FAT3: variants seen among roughly 807,000 people sequenced by gnomAD.
The protein encoded by FAT3 is FAT atypical cadherin 3, also known as protocadherin Fat 3.
Under a neutral mutation model 310.2 loss-of-function variants are expected in FAT3, and 95 were observed. The observed-to-expected ratio is 0.31, with a 90% confidence interval of 0.26 to 0.36. FAT3 has a LOEUF of 0.36. Among genes scored for constraint, FAT3 ranks in the 10% least tolerant of loss-of-function variants. The pLI, the probability that FAT3 is intolerant of heterozygous loss-of-function variation, is 1.00. For synonymous variants in FAT3, 2,314 were observed against 2,192.9 expected, an observed-to-expected ratio of 1.06 and a Z score of -1.54; for missense variants, 5,408 against 5,715.6, an observed-to-expected ratio of 0.95 and a Z score of 1.74.
At position 92,810,042 on chromosome 11, in the gene FAT3, G is replaced by C; in HGVS notation, c.9447G>C (p.Leu3149=). ...ATGAGAACACAGCCACCAAGGCTCTGTTGACCAGAGTTCAAGCCGTGGACC... is the reference window on the plus strand; with the variant it reads ...ATGAGAACACAGCCACCAAGGCTCTCTTGACCAGAGTTCAAGCCGTGGACC... ...CVYENTATKA[L]LTRVQAVDPD... is the part of the protein sequence containing the mutation. Residue 3149 remains leucine (L), a synonymous_variant, in exon 13 of 28, where the codon CTG becomes CTC. Coordinates refer to ENST00000525166, the MANE Select transcript of FAT3 (RefSeq NM_001367949.2). 6.2e-7 allele frequency: 1 copy of C among 1,613,884 alleles called. No individual in the cohort carries two copies. The highest frequency in any genetic ancestry group is 8.5e-7 in the Non-Finnish European group (1 of 1,179,834).
chr11:92,605,719 GTTTTTTTTT>G (rs5793613), intron 3 of FAT3, among the ~76,000 whole-genome samples: 1 of 99,760 alleles, frequency 1.0e-5, no homozygotes, highest in East Asian at 3.1e-4. Flanking sequence ...AAATAGCTAT[GTTTTTTTTT>G]TTTTTTTTTT....
At chr11:92,595,378 CA>C (rs1939651419) in intron 3 of FAT3, among the ~76,000 whole-genome samples, 1 of 152,172 alleles carries the variant, frequency 6.6e-6, no homozygotes, top group African/African-American at 2.4e-5. Flanking sequence ...TTGAATTGAG[CA>C]CAGGGATGTG....
chr11:92,428,462 A>G (rs1469213113), intron 2 of FAT3, among the ~76,000 whole-genome samples: 2 of 151,518 alleles, frequency 1.3e-5, no homozygotes, highest in African/African-American at 4.9e-5. Flanking sequence ...AGTTCTTTCA[A>G]TTTTGTGATG....
chr11:92,606,466 G>T (rs572771333), intron 3 of FAT3, among the ~76,000 whole-genome samples: 1 of 152,290 alleles, frequency 6.6e-6, no homozygotes, highest in South Asian at 2.1e-4. Flanking sequence ...CAGGCATGCT[G>T]GAGAGGTGGG....
chr11:92,299,727 T>A (rs1261951675), intron 1 of FAT3, among the ~76,000 whole-genome samples: 3 of 152,150 alleles, frequency 2.0e-5, no homozygotes, highest in Non-Finnish European at 4.4e-5. Context: ...ATATGTCTCT[T>A]CAGTGAAGGA....
rs1949924486 is a variant in FAT3, at chr11:92,891,902, T to C, written c.*789T>C. ...GGTTGGTTTTGTGTTTTCTGGTAAA[T>C]ATTCCAGTTGGTAAATCTAACATTG... On this transcript the variant is annotated 3_prime_UTR_variant, in exon 28 of 28. Coordinates refer to ENST00000525166, the MANE Select transcript of FAT3 (RefSeq NM_001367949.2). 1 of 152,198 alleles carries C rather than the reference T, an allele frequency of 6.6e-6. No individual in the cohort carries two copies. The highest frequency in any genetic ancestry group is 2.1e-4 in the South Asian group (1 of 4,824). 9.4% of individuals were successfully genotyped at this position (152,198 alleles called of 1,614,324 possible).
At chr11:92,315,764 C>T (rs192230856) in intron 1 of FAT3, among the ~76,000 whole-genome samples, 5 of 151,812 alleles carry the variant, frequency 3.3e-5, no homozygotes, top group Admixed American at 2.0e-4. Flanking sequence ...TCAAGTGATC[C>T]ACCCACCTTG....
rs557577616 is a variant in FAT3, at chr11:92,676,391, A to T, written c.3608-20993A>T. 3.9e-5 allele frequency among the ~76,000 whole-genome samples: 6 copies of T among 152,320 alleles called. No homozygotes were observed. The South Asian group carries it at 1.2e-3, about 32-fold the overall frequency. On this transcript the variant is annotated intron_variant, in intron 3 of 27. Coordinates refer to ENST00000525166, the MANE Select transcript of FAT3 (RefSeq NM_001367949.2). ...GGAAATAGAGTCTGCTCAGTGTCAC[A>T]CAGAAATCAAAATAGTAAAGTTTGG...
chr11:92,304,719 C>T lies in FAT3; in HGVS notation c.-17-47377C>T, dbSNP rs545605772. ...ACACCTGGAATTCACGAAACTAGATCCTGCATTGACCTGGAGGAGGTGAGG... is the reference window on the plus strand; with the variant it reads ...ACACCTGGAATTCACGAAACTAGATTCTGCATTGACCTGGAGGAGGTGAGG... On this transcript the variant is annotated intron_variant, in intron 1 of 27. Coordinates refer to ENST00000525166, the MANE Select transcript of FAT3 (RefSeq NM_001367949.2). Among the ~76,000 whole-genome samples, 3 of 152,080 alleles carry T rather than the reference C, an allele frequency of 2.0e-5. No homozygotes were observed. The South Asian group carries it at 6.2e-4, about 32-fold the overall frequency.
chr11:92,488,875 A>G (rs774303552), intron 2 of FAT3, among the ~76,000 whole-genome samples: 4 of 152,132 alleles, frequency 2.6e-5, no homozygotes, highest in Non-Finnish European at 5.9e-5. Context: ...TCATGGGCAA[A>G]TTTATTAACC....
chr11:92,860,585 C>T (rs1949095984), intron 21 of FAT3, among the ~76,000 whole-genome samples: 1 of 152,152 alleles, frequency 6.6e-6, no homozygotes, highest in Non-Finnish European at 1.5e-5. Context: ...GTGGAAAATG[C>T]CTTTTCACCT....
At chr11:92,794,179 T>G (rs1262925600) in intron 9 of FAT3, among the ~76,000 whole-genome samples, 2 of 152,148 alleles carry the variant, frequency 1.3e-5, no homozygotes, top group Non-Finnish European at 2.9e-5. Context: ...TCTTTTATTT[T>G]TCACAGGACA....
chr11:92,302,021 G>A (rs1176058957), intron 1 of FAT3, among the ~76,000 whole-genome samples: 1 of 151,970 alleles, frequency 6.6e-6, no homozygotes, highest in African/African-American at 2.4e-5. Context: ...ATGAAAATGT[G>A]TATGCATACA....
At position 92,800,514 on chromosome 11, in the gene FAT3, T is replaced by C; in HGVS notation, c.7501T>C (p.Tyr2501His). The C allele has an allele frequency of 4.3e-6, 7 of 1,613,926 alleles. No individual in the cohort carries two copies. Among genetic ancestry groups the C allele is most frequent in the Non-Finnish European group, 5.9e-6 (7 of 1,179,876 alleles). The change falls in exon 10 of 28, where the codon TAC becomes CAC. Residue 2501 changes from tyrosine to histidine, a missense_variant. Around this residue, in one of 5 missense-constraint regions of FAT3, gnomAD observed 4,588 missense variants for 4,809.8 expected, o/e 0.95. Transcript: ENST00000525166. ...CAGCCCTGCCTTTTCACAAAGCACA[T>C]ACGTAGCTGAGGTGAGAGAGAACGT... is the stretch of plus-strand genomic sequence containing the variant. ...LYSPAFSQSTYVAEVRENVAA... is the reference protein window; with the variant it reads ...LYSPAFSQSTHVAEVRENVAA...
rs548622310 is a variant in FAT3 at position 92,527,958 on chromosome 11, C to A, written c.3607+3010C>A. On this transcript the variant is annotated intron_variant, in intron 3 of 27. Coordinates refer to ENST00000525166, the MANE Select transcript of FAT3 (RefSeq NM_001367949.2). ...CTAGTAAACTAAGCTTTCATTTCCT[C>A]CTCTGCTGTACAGTTGGAATTTTTA... Among the ~76,000 whole-genome samples the A allele has an allele frequency of 2.8e-4, 42 of 152,278 alleles. No individual in the cohort carries two copies. The South Asian group carries it at 8.1e-3, about 29-fold the overall frequency.
At chr11:92,881,461 G>C (rs1204532941) in intron 23 of FAT3, among the ~76,000 whole-genome samples, 1 of 152,042 alleles carries the variant, frequency 6.6e-6, no homozygotes, top group East Asian at 2.0e-4. Context: ...TTACAGATCA[G>C]TCTTACTTAT....
At chr11:92,608,900 A>G (rs988414380) in intron 3 of FAT3, among the ~76,000 whole-genome samples, 3 of 152,116 alleles carry the variant, frequency 2.0e-5, no homozygotes, top group African/African-American at 7.2e-5. Flanking sequence ...TAGGAAGCAT[A>G]CTGGTGCCAT....
intron 3 of FAT3, among the ~76,000 whole-genome samples, chr11:92,568,051 A>T (rs1307936903): frequency 5.3e-5 from 8 of 152,148 alleles, no homozygotes; most frequent in African/African-American, 9.7e-5. Flanking sequence ...ATAATAATAA[A>T]AAAAAATTCA....
intron 1 of FAT3, among the ~76,000 whole-genome samples, chr11:92,335,042 C>T (rs543225019): frequency 1.3e-5 from 2 of 152,208 alleles, no homozygotes; most frequent in South Asian, 2.1e-4. Context: ...CTGATGATGT[C>T]GCCACAATGT....
Sources: gnomAD v4.1 joint callset for allele counts (sites outside exome capture counted in the v4.1 genomes callset) on GRCh38, gnomAD v4.1.1 for gene constraint, gnomAD v4.1.1 regional missense constraint, MANE v1.5 for transcripts, NCBI Gene and HGNC (gene_info 2026-07-23, HGNC 2026-07-21) for gene names.